ADGRB3: variants seen among roughly 807,000 people sequenced by gnomAD.
ADGRB3 encodes the protein adhesion G protein-coupled receptor B3.
ADGRB3 carries 37 observed loss-of-function variants against 193.4 expected under a neutral mutation model. That is an observed-to-expected ratio of 0.19 (90% CI 0.15 to 0.25). The LOEUF is 0.25. Among genes scored for constraint, ADGRB3 ranks in the 10% least tolerant of loss-of-function variants. The pLI, the probability that ADGRB3 is intolerant of heterozygous loss-of-function variation, is 1.00. For synonymous variants in ADGRB3, 690 were observed against 644.2 expected (o/e 1.07, Z -1.08); for missense variants, 1,637 against 1,852.9 (o/e 0.88, Z 2.14).
At chr6:69,001,438 A>G (rs955658108) in intron 11 of ADGRB3, among the ~76,000 whole-genome samples, 1 of 152,256 alleles carries the variant, frequency 6.6e-6, no homozygotes, top group African/African-American at 2.4e-5. Context: ...TTTACTAAAT[A>G]TAAAGATTAT....
intron 3 of ADGRB3, among the ~76,000 whole-genome samples, chr6:68,715,722 T>C (rs1380862714): frequency 6.6e-6 from 1 of 151,912 alleles, no homozygotes; most frequent in Non-Finnish European, 1.5e-5. Flanking sequence ...ATTCTTATCC[T>C]AACTTTATAA....
chr6:69,021,389 T>C (rs1051106301), intron 13 of ADGRB3, among the ~76,000 whole-genome samples: 1 of 151,866 alleles, frequency 6.6e-6, no homozygotes, highest in Non-Finnish European at 1.5e-5. Flanking sequence ...GACCATGCAA[T>C]TTAATAAAAG....
At chr6:69,084,134 A>G (rs969403525) in intron 17 of ADGRB3, among the ~76,000 whole-genome samples, 25 of 151,906 alleles carry the variant, frequency 1.6e-4, no homozygotes, top group Middle Eastern at 3.2e-3. Flanking sequence ...GCTTTCCTCT[A>G]GTGTTTGATC....
At chr6:69,232,674 G>C (rs1378235700) in intron 17 of ADGRB3, 2 of 1,494,990 alleles carry the variant, frequency 1.3e-6, no homozygotes, top group East Asian at 2.5e-5. Context: ...AAGGCAATGA[G>C]AGTCGGAACC....
chr6:69,139,861 A>C (rs972330482), intron 17 of ADGRB3, among the ~76,000 whole-genome samples: 1 of 152,208 alleles, frequency 6.6e-6, no homozygotes, highest in Non-Finnish European at 1.5e-5. Flanking sequence ...GTGAATAAGT[A>C]AGAATATTTT....
At chr6:68,997,210 A>ATTGGAATG (rs1769409422) in intron 11 of ADGRB3, among the ~76,000 whole-genome samples, 1 of 152,206 alleles carries the variant, frequency 6.6e-6, no homozygotes, top group Non-Finnish European at 1.5e-5. Context: ...TTAGTAAATT[A>ATTGGAATG]TTGGAATGTA....
intron 17 of ADGRB3, among the ~76,000 whole-genome samples, chr6:69,126,329 A>G (rs759348604): frequency 1.3e-5 from 2 of 152,112 alleles, no homozygotes; most frequent in African/African-American, 2.4e-5. Flanking sequence ...GGCTCACACA[A>G]TAGTGGAGAG....
chr6:68,987,351 G>A (rs1433117908), intron 10 of ADGRB3, among the ~76,000 whole-genome samples: 1 of 152,024 alleles, frequency 6.6e-6, no homozygotes, highest in Non-Finnish European at 1.5e-5. Context: ...AATGGCTTTA[G>A]AAACGGTTAC....
At chr6:68,850,069 T>C (rs1461277078) in intron 3 of ADGRB3, among the ~76,000 whole-genome samples, 2 of 151,914 alleles carry the variant, frequency 1.3e-5, no homozygotes, top group African/African-American at 2.4e-5. Context: ...ATAAGGCATG[T>C]TATCGTTTAC....
intron 3 of ADGRB3, among the ~76,000 whole-genome samples, chr6:68,890,797 C>A (rs1484761500): frequency 2.0e-5 from 3 of 152,048 alleles, no homozygotes; most frequent in Non-Finnish European, 4.4e-5. Context: ...CCTCATAGAA[C>A]ATGTAGCATC....
At chr6:68,768,872 G>A (rs1463256149) in intron 3 of ADGRB3, among the ~76,000 whole-genome samples, 3 of 151,856 alleles carry the variant, frequency 2.0e-5, no homozygotes, top group Non-Finnish European at 2.9e-5. Flanking sequence ...CAAAAAGTGG[G>A]CAAAGGATAT....
intron 3 of ADGRB3, among the ~76,000 whole-genome samples, chr6:68,855,474 T>A (rs1487140541): frequency 6.6e-6 from 1 of 151,928 alleles, no homozygotes; most frequent in African/African-American, 2.4e-5. Flanking sequence ...TAACAATGAA[T>A]TTCTAGGTAA....
chr6:69,341,055 G>A (rs1011293211), intron 26 of ADGRB3, among the ~76,000 whole-genome samples: 3 of 152,152 alleles, frequency 2.0e-5, no homozygotes, highest in Non-Finnish European at 4.4e-5. Flanking sequence ...TTGCTATTGT[G>A]AACAGTGCCG....
chr6:68,955,083 A>C (rs1212907429), intron 6 of ADGRB3, among the ~76,000 whole-genome samples: 1 of 152,104 alleles, frequency 6.6e-6, no homozygotes, highest in East Asian at 1.9e-4. Flanking sequence ...CTCACTCAGC[A>C]CTCTAGATGC....
chr6:69,223,652 CTTTTTTT>C (rs554027181), intron 17 of ADGRB3, among the ~76,000 whole-genome samples: 14 of 110,396 alleles, frequency 1.3e-4, no homozygotes, highest in Admixed American at 7.9e-4. Flanking sequence ...CTCTCTCTCT[CTTTTTTT>C]TTTTTTTTTT....
intron 3 of ADGRB3, among the ~76,000 whole-genome samples, chr6:68,647,353 TTTTA>T: frequency 6.6e-6 from 1 of 152,332 alleles, no homozygotes; most frequent in South Asian, 2.1e-4. Flanking sequence ...ACCCTTTAAA[TTTTA>T]TTTTTGTACA....
intron 13 of ADGRB3, among the ~76,000 whole-genome samples, chr6:69,046,476 A>C (rs1465064702): frequency 6.6e-6 from 1 of 152,222 alleles, no homozygotes; most frequent in Non-Finnish European, 1.5e-5. Context: ...GACAGCAAAA[A>C]GTATATTGTT....
chr6:68,932,476 T>C (rs1199004258), intron 4 of ADGRB3, among the ~76,000 whole-genome samples: 2 of 152,140 alleles, frequency 1.3e-5, no homozygotes, highest in African/African-American at 4.8e-5. Flanking sequence ...GAATAATAAA[T>C]ATTTATTCTT....
chr6:68,654,358 T>G (rs959926432), intron 3 of ADGRB3, among the ~76,000 whole-genome samples: 9 of 152,060 alleles, frequency 5.9e-5, no homozygotes, highest in Admixed American at 2.6e-4. Context: ...TTTAATTTCC[T>G]GGCTTTCTTA....
Sources: allele counts gnomAD v4.1 joint callset (sites outside exome capture counted in the v4.1 genomes callset), GRCh38; gene constraint gnomAD v4.1.1; transcripts MANE v1.5; gene names NCBI Gene and HGNC (gene_info 2026-07-23, HGNC 2026-07-21).